The following CCDC6 variants were observed in gnomAD, a reference collection of about 807,000 sequenced individuals.
The protein encoded by CCDC6 is coiled-coil domain-containing protein 6.
A neutral mutation model predicts 56.6 loss-of-function variants in CCDC6; 20 were observed. That is an observed-to-expected ratio of 0.35 (90% CI 0.25 to 0.51). CCDC6 has a LOEUF of 0.51. Ranked by LOEUF, CCDC6 falls within the 20% of genes least tolerant of loss-of-function variation. CCDC6 has a pLI of 0.95. For missense variants in CCDC6, 367 were observed against 601.1 expected, an observed-to-expected ratio of 0.61 and a Z score of 4.07; for synonymous variants, 241 against 234.4, an observed-to-expected ratio of 1.03 and a Z score of -0.26.
chr10:59,805,782 CCTTT>C (rs540791559), intron 6 of CCDC6, among the ~76,000 whole-genome samples: 71 of 152,200 alleles, frequency 4.7e-4, no homozygotes, highest in African/African-American at 1.7e-3. Flanking sequence ...TTACTGTTTT[CCTTT>C]TTTTCTCATT....
chr10:59,828,112 G>A (rs947654676), intron 3 of CCDC6, among the ~76,000 whole-genome samples: 1 of 152,128 alleles, frequency 6.6e-6, no homozygotes, highest in African/African-American at 2.4e-5. Context: ...ATATTATTCA[G>A]AATAAGATTT....
intron 3 of CCDC6, among the ~76,000 whole-genome samples, chr10:59,819,678 C>G (rs1233118546): frequency 1.3e-5 from 2 of 152,166 alleles, no homozygotes; most frequent in East Asian, 3.8e-4. Context: ...ACAGTGCTGT[C>G]AATATGCTGG....
intron 1 of CCDC6, among the ~76,000 whole-genome samples, chr10:59,867,370 A>C (rs1469299421): frequency 6.6e-6 from 1 of 152,184 alleles, no homozygotes; most frequent in Non-Finnish European, 1.5e-5. Context: ...TTTTGAATTC[A>C]GGAAAAGCCA....
At chr10:59,803,799 C>T (rs533470567) in intron 7 of CCDC6, among the ~76,000 whole-genome samples, 2 of 152,312 alleles carry the variant, frequency 1.3e-5, no homozygotes, top group Admixed American at 6.5e-5. Flanking sequence ...GACAGAAGTT[C>T]GTTCCCTCTT....
chr10:59,821,307 A>G (rs1438585307), intron 3 of CCDC6, among the ~76,000 whole-genome samples: 1 of 152,170 alleles, frequency 6.6e-6, no homozygotes, highest in Admixed American at 6.5e-5. Flanking sequence ...GCAATCCACA[A>G]TGGTCCTTGA....
At chr10:59,836,833 T>C (rs2070887303) in intron 2 of CCDC6, among the ~76,000 whole-genome samples, 1 of 152,198 alleles carries the variant, frequency 6.6e-6, no homozygotes, top group Admixed American at 6.5e-5. Flanking sequence ...TAGGGTTATA[T>C]AAATAAAAGT....
At chr10:59,879,287 A>G (rs1159350865) in intron 1 of CCDC6, among the ~76,000 whole-genome samples, 1 of 152,238 alleles carries the variant, frequency 6.6e-6, no homozygotes, top group African/African-American at 2.4e-5. Context: ...ATCTTAAAGA[A>G]TAAGAAGTTA....
chr10:59,851,131 G>GAA lies in CCDC6; in HGVS notation c.453+1420_453+1421dup, dbSNP rs372606692. Among the ~76,000 whole-genome samples, 371 of 46,716 alleles carry GAA rather than the reference G, an allele frequency of 7.9e-3. 2 individuals carry two copies. The highest frequency in any genetic ancestry group is 0.012 in the African/African-American group (143 of 12,256). 30.6% of individuals were successfully genotyped at this position (46,716 alleles called of 152,430 possible). A position where few individuals can be genotyped will look rare whatever the true frequency, so the allele number is the denominator to read the frequency against. On this transcript the variant is annotated intron_variant, in intron 2 of 8. Coordinates refer to ENST00000263102, the MANE Select transcript of CCDC6 (RefSeq NM_005436.5). ...ACTCCAAAAAACAACCATGTAAATTGAAAAAAAAAAAAAAAAAAAAAAAAG... is the reference window on the plus strand; with the variant it reads ...ACTCCAAAAAACAACCATGTAAATTGAAAAAAAAAAAAAAAAAAAAAAAAAAG...
chr10:59,801,319 C>T (rs1437144581), intron 7 of CCDC6, among the ~76,000 whole-genome samples: 3 of 152,120 alleles, frequency 2.0e-5, no homozygotes, highest in Non-Finnish European at 4.4e-5. Context: ...TCCTCTTTAA[C>T]TCTATCTGAT....
At chr10:59,887,450 A>T (rs1476750837) in intron 1 of CCDC6, among the ~76,000 whole-genome samples, 1 of 151,488 alleles carries the variant, frequency 6.6e-6, no homozygotes, top group African/African-American at 2.4e-5. Flanking sequence ...ATGGTAAGAG[A>T]TACCCACACA....
intron 2 of CCDC6, among the ~76,000 whole-genome samples, chr10:59,836,052 T>TA (rs59353306): frequency 0.021 from 1,193 of 57,320 alleles, 29 homozygotes; most frequent in Middle Eastern, 0.047. Flanking sequence ...CGACCCTGTC[T>TA]AAAAAAAAAA....
intron 1 of CCDC6, among the ~76,000 whole-genome samples, chr10:59,882,541 CCGCGGGGAGAAGGAAAGGAAAGCCGCG>C (rs1564756153): frequency 2.5e-5 from 1 of 40,440 alleles, no homozygotes; most frequent in Non-Finnish European, 4.8e-5. Context: ...GAAAGGAAAG[CCGCGGGGAGAAGGAAAGGAAAGCCGCG>C]GGGAGAAGGA....
Position 59,804,752 on chromosome 10 carries a change from C to G in CCDC6, c.1005-232G>C, listed in dbSNP as rs960401005. On this transcript the variant is annotated intron_variant, in intron 6 of 8. Coordinates refer to ENST00000263102, the MANE Select transcript of CCDC6 (RefSeq NM_005436.5). ...TTGGGAGACCTAGGATGTTTTAGCT[C>G]AGGATGGAAGCCAGGTGAAAGAGGT... The G allele has an allele frequency of 3.5e-5, 16 of 461,906 alleles. No homozygotes were observed. In the East Asian group the frequency reaches 6.3e-4, roughly 18 times the overall value. 28.6% of individuals were successfully genotyped at this position (461,906 alleles called of 1,614,324 possible).
At chr10:59,841,498 C>T (rs887088204) in intron 2 of CCDC6, among the ~76,000 whole-genome samples, 1 of 151,856 alleles carries the variant, frequency 6.6e-6, no homozygotes, top group African/African-American at 2.4e-5. Flanking sequence ...AATCACTTAC[C>T]TGTAGATTCT....
At chr10:59,796,090 C>T (rs1235777198) in intron 7 of CCDC6, among the ~76,000 whole-genome samples, 1 of 152,202 alleles carries the variant, frequency 6.6e-6, no homozygotes, top group Non-Finnish European at 1.5e-5. Flanking sequence ...TACAGTCCCA[C>T]CAACAGTGTA....
At chr10:59,820,781 GAAA>G (rs2070743769) in intron 3 of CCDC6, among the ~76,000 whole-genome samples, 1 of 63,638 alleles carries the variant, frequency 1.6e-5, no homozygotes, top group East Asian at 2.3e-4. Context: ...ACGAATGAAA[GAAA>G]GAAAGAAAAA....
intron 1 of CCDC6, among the ~76,000 whole-genome samples, chr10:59,900,236 TAGGTGCATACCCCAGTAGC>T (rs2071495489): frequency 6.6e-6 from 1 of 151,894 alleles, no homozygotes; most frequent in Non-Finnish European, 1.5e-5. Context: ...ACCACGGAAG[TAGGTGCATACCCCAGTAGC>T]AGGTGCATAC....
chr10:59,792,874 C>T lies in CCDC6; in HGVS notation c.*43G>A, dbSNP rs754077602. On this transcript the variant is annotated 3_prime_UTR_variant, in exon 9 of 9. Coordinates refer to ENST00000263102, the MANE Select transcript of CCDC6 (RefSeq NM_005436.5). ...GCCTTTGGCGTTGAGTAGACGGCTC[C>T]ATTGGATGAGTCCCAACTTGAAATT... 6.3e-7 allele frequency: 1 copy of T among 1,593,688 alleles called. No homozygotes were observed. Among genetic ancestry groups the T allele is most frequent in the Non-Finnish European group, 8.6e-7 (1 of 1,161,816 alleles).
At chr10:59,904,649 C>G (rs563304083) in intron 1 of CCDC6, among the ~76,000 whole-genome samples, 29 of 152,330 alleles carry the variant, frequency 1.9e-4, no homozygotes, top group Middle Eastern at 3.4e-3. Context: ...TCCCCGCCCC[C>G]CACCTTCCTA....
Sources: allele counts gnomAD v4.1 joint callset (sites outside exome capture counted in the v4.1 genomes callset), GRCh38; gene constraint gnomAD v4.1.1; transcripts MANE v1.5; gene names NCBI Gene and HGNC (gene_info 2026-07-23, HGNC 2026-07-21).